KCNQ1: variants seen among roughly 807,000 people sequenced by gnomAD.
KCNQ1 encodes the protein potassium voltage-gated channel subfamily Q member 1, also known as potassium voltage-gated channel subfamily KQT member 1.
In KCNQ1, 49 loss-of-function variants were observed where a neutral mutation model predicts 72.4. That is an observed-to-expected ratio of 0.68 (90% CI 0.54 to 0.86). The LOEUF is 0.86. KCNQ1 is among the 40% of genes least tolerant of loss of function. The pLI, the probability that KCNQ1 is intolerant of heterozygous loss-of-function variation, is 0.00. For synonymous variants in KCNQ1, 450 were observed against 412.6 expected (o/e 1.09, Z -1.10); for missense variants, 790 against 945.1 (o/e 0.84, Z 2.15).
chr11:2,700,389 C>T (rs578259989), intron 11 of KCNQ1, among the ~76,000 whole-genome samples: 5 of 152,116 alleles, frequency 3.3e-5, no homozygotes, highest in African/African-American at 4.8e-5. Flanking sequence ...CCGGGGTGAC[C>T]GCGTGAGGAC....
intron 11 of KCNQ1, chr11:2,693,149 T>TGA (rs1850616186): frequency 2.5e-6 from 1 of 398,546 alleles, no homozygotes; most frequent in South Asian, 1.3e-4. Flanking sequence ...TAGCCCTCAG[T>TGA]CTACACTCTG....
chr11:2,610,884 A>C (rs992951938), intron 10 of KCNQ1: 4 of 397,994 alleles, frequency 1.0e-5, no homozygotes, highest in African/African-American at 8.2e-5. Context: ...CTCACCTCCC[A>C]CCATTTCATC....
intron 11 of KCNQ1, chr11:2,684,692 G>C (rs1320864266): frequency 2.5e-6 from 1 of 398,526 alleles, no homozygotes; most frequent in African/African-American, 2.1e-5. Flanking sequence ...GGCCAACTGA[G>C]CACTTGCTCA....
chr11:2,504,254 A>C (rs1223854189), intron 1 of KCNQ1, among the ~76,000 whole-genome samples: 1 of 152,186 alleles, frequency 6.6e-6, no homozygotes, highest in Non-Finnish European at 1.5e-5. Flanking sequence ...GCATGTTCTC[A>C]CTTATTTGTG....
Position 2,595,671 on chromosome 11 carries a change from C to G in KCNQ1, c.1393+6817C>G, listed in dbSNP as rs1848723864. On this transcript the variant is annotated intron_variant, in intron 10 of 15. Transcript: ENST00000155840. The surrounding 1 kb of genome is among the most constrained non-coding windows in gnomAD (Gnocchi z 5.0). ...ACTGCTCATTGACAGTGCACCTGGT[C>G]ATCCAAGACCTCTGATGGAGATGTA... Among the ~76,000 whole-genome samples the G allele has an allele frequency of 6.7e-6, 1 of 150,038 alleles. No homozygotes were observed. The highest frequency in any genetic ancestry group is 1.5e-5 in the Non-Finnish European group (1 of 67,998).
At position 2,645,357 on chromosome 11, in the gene KCNQ1, C is replaced by T. The variant is rs1005690777; in HGVS notation, c.1394-16604C>T. The T allele has an allele frequency of 1.1e-4, 42 of 398,732 alleles. No homozygotes were observed. In the South Asian group the frequency reaches 2.7e-3, roughly 25 times the overall value. The allele number at this position is 398,732 out of a possible 1,614,324, so 24.7% of individuals were successfully genotyped here. On this transcript the variant is annotated intron_variant, in intron 10 of 15. Coordinates refer to ENST00000155840, the MANE Select transcript of KCNQ1 (RefSeq NM_000218.3). The surrounding 1 kb of genome is among the most constrained non-coding windows in gnomAD (Gnocchi z 5.8). ...GATCCCTAGGCCCAGAGATGGTATG[C>T]GCTGGCACTGGGAGAAAAGAGGGTG... is the stretch of plus-strand genomic sequence containing the variant.
At position 2,544,400 on chromosome 11, in the gene KCNQ1, A is replaced by G. The variant is rs12801266; in HGVS notation, c.477+16382A>G. On this transcript the variant is annotated intron_variant, in intron 2 of 15. Coordinates refer to ENST00000155840, the MANE Select transcript of KCNQ1 (RefSeq NM_000218.3). This position sits in a 1 kb window ranked among gnomAD's most constrained non-coding sequence, Gnocchi z 4.4. ...TATATGTGTGCATATATGTGTATAT[A>G]TGTGTGTGTATATATATATATGGTT... Among the ~76,000 whole-genome samples, 2 of 148,200 alleles carry G rather than the reference A, an allele frequency of 1.3e-5. No homozygotes were observed. Among genetic ancestry groups the G allele is most frequent in the African/African-American group, 2.5e-5 (1 of 39,880 alleles).
rs368648010 is a variant in KCNQ1, at chr11:2,830,682, C to T, written c.1795-17085C>T. ...CCTTCCCACCCTTCCACTCACCTTC[C>T]GAGCATTGTGGGCCTTCCCAGGAAC... On this transcript the variant is annotated intron_variant, in intron 15 of 15. Coordinates refer to ENST00000155840, the MANE Select transcript of KCNQ1 (RefSeq NM_000218.3). The surrounding 1 kb of genome is among the most constrained non-coding windows in gnomAD (Gnocchi z 7.7). 2.6e-5 allele frequency among the ~76,000 whole-genome samples: 4 copies of T among 152,254 alleles called. No individual in the cohort carries two copies. The highest frequency in any genetic ancestry group is 6.5e-5 in the Admixed American group (1 of 15,304).
chr11:2,611,925 T>G lies in KCNQ1; in HGVS notation c.1393+23071T>G. 1 of 398,596 alleles carries G rather than the reference T, an allele frequency of 2.5e-6. No individual in the cohort carries two copies. The highest frequency in any genetic ancestry group is 4.4e-6 in the Non-Finnish European group (1 of 226,062). The allele number at this position is 398,596 out of a possible 1,614,324, so 24.7% of individuals were successfully genotyped here. On this transcript the variant is annotated intron_variant, in intron 10 of 15. Transcript: ENST00000155840. The surrounding 1 kb of genome is among the most constrained non-coding windows in gnomAD (Gnocchi z 5.3). ...ATAAGCAGCTTAAGCAAAAACAATC[T>G]GCTTCAGGTTAATAATCTACTCAAA...
chr11:2,652,370 A>G lies in KCNQ1; in HGVS notation c.1394-9591A>G. On this transcript the variant is annotated intron_variant, in intron 10 of 15. Coordinates refer to ENST00000155840, the MANE Select transcript of KCNQ1 (RefSeq NM_000218.3). The surrounding 1 kb of genome is among the most constrained non-coding windows in gnomAD (Gnocchi z 5.9). Reference sequence around the variant, plus strand: ...GCGATGTTGTGATGAAGGTGAAAAGATCGCTCTTAATTAGATTAAAAACAT... The same window carrying G: ...GCGATGTTGTGATGAAGGTGAAAAGGTCGCTCTTAATTAGATTAAAAACAT... The G allele has an allele frequency of 2.5e-6, 1 of 398,656 alleles. No homozygotes were observed. Among genetic ancestry groups the G allele is most frequent in the Non-Finnish European group, 4.4e-6 (1 of 226,070 alleles). The allele number at this position is 398,656 out of a possible 1,614,324, so 24.7% of individuals were successfully genotyped here. A position where few individuals can be genotyped will look rare whatever the true frequency, so the allele number is the denominator to read the frequency against.
chr11:2,788,134 A>G (rs908369479), intron 15 of KCNQ1, among the ~76,000 whole-genome samples: 2 of 151,948 alleles, frequency 1.3e-5, no homozygotes, highest in African/African-American at 4.8e-5. Flanking sequence ...TTGCCATCTC[A>G]TGGCCCCAGC....
intron 1 of KCNQ1, among the ~76,000 whole-genome samples, chr11:2,485,588 G>A (rs187228009): frequency 3.0e-4 from 45 of 152,252 alleles, no homozygotes; most frequent in Non-Finnish European, 5.3e-4. Flanking sequence ...TCAGTGGCAT[G>A]AAGTACATTG....
intron 1 of KCNQ1, among the ~76,000 whole-genome samples, chr11:2,513,136 G>A (rs1445136339): frequency 1.3e-5 from 2 of 152,126 alleles, no homozygotes; most frequent in African/African-American, 2.4e-5. Context: ...TGTCTGGGGG[G>A]AATCCTGACC....
intron 10 of KCNQ1, chr11:2,640,901 C>G (rs1849565939): frequency 2.5e-6 from 1 of 399,498 alleles, no homozygotes; most frequent in Admixed American, 4.4e-5. Context: ...TTTTATAGCT[C>G]CCACATATGA....
intron 11 of KCNQ1, among the ~76,000 whole-genome samples, chr11:2,738,958 T>C (rs116470160): frequency 0.014 from 2,110 of 152,180 alleles, 54 homozygotes; most frequent in African/African-American, 0.048. Flanking sequence ...ACCAGCAGGG[T>C]TGGGGCTTGG....
At chr11:2,760,195 C>T (rs978279624) in intron 11 of KCNQ1, among the ~76,000 whole-genome samples, 3 of 152,150 alleles carry the variant, frequency 2.0e-5, no homozygotes, top group African/African-American at 4.8e-5. Context: ...CCAGAAACAA[C>T]GGCTCCTTCA....
rs1399552935 is a variant in KCNQ1, at chr11:2,686,632, C to T, written c.1514+24551C>T. On this transcript the variant is annotated intron_variant, in intron 11 of 15. Transcript: ENST00000155840. ...TCACATGAGCGTGGCTGCCCTCAGG[C>T]CCAGGCTGCACAGAGCATGGCCGCT... 8.0e-5 allele frequency: 32 copies of T among 398,542 alleles called. No homozygotes were observed. In the Admixed American group the frequency reaches 1.4e-3, roughly 18 times the overall value. 24.7% of individuals were successfully genotyped at this position (398,542 alleles called of 1,614,324 possible). A position where few individuals can be genotyped will look rare whatever the true frequency, so the allele number is the denominator to read the frequency against.
rs1848982880 is a variant in KCNQ1 at position 2,611,785 on chromosome 11, C to T, written c.1393+22931C>T. 2.5e-6 allele frequency: 1 copy of T among 398,200 alleles called. No homozygotes were observed. Among genetic ancestry groups the T allele is most frequent in the South Asian group, 1.3e-4 (1 of 7,814 alleles). 24.7% of individuals were successfully genotyped at this position (398,200 alleles called of 1,614,324 possible). A position where few individuals can be genotyped will look rare whatever the true frequency, so the allele number is the denominator to read the frequency against. ...CTATATGTCTCATATCACTTTTGTT[C>T]CTCTCTTCCTCCTTTACTGCCTTCT... On this transcript the variant is annotated intron_variant, in intron 10 of 15. Coordinates refer to ENST00000155840, the MANE Select transcript of KCNQ1 (RefSeq NM_000218.3). The surrounding 1 kb of genome is among the most constrained non-coding windows in gnomAD (Gnocchi z 5.3).
At chr11:2,842,041 G>A (rs1487518905) in intron 15 of KCNQ1, among the ~76,000 whole-genome samples, 1 of 152,198 alleles carries the variant, frequency 6.6e-6, no homozygotes, top group African/African-American at 2.4e-5. Flanking sequence ...CATGAGCGGT[G>A]TGGGTCCCCA....
Sources: gnomAD v4.1 joint callset for allele counts (sites outside exome capture counted in the v4.1 genomes callset) on GRCh38, gnomAD v4.1.1 for gene constraint, Gnocchi (gnomAD v3.1) non-coding constraint, MANE v1.5 for transcripts, NCBI Gene and HGNC (gene_info 2026-07-23, HGNC 2026-07-21) for gene names.